Variants in XPO4 observed in about 807,000 individuals in gnomAD.
The protein encoded by XPO4 is exportin-4.
In XPO4, 39 loss-of-function variants were observed where a neutral mutation model predicts 143.0. The ratio of observed to expected loss-of-function variants is 0.27; its 90% CI spans 0.21 to 0.36. XPO4 has a LOEUF of 0.36. XPO4 is among the 10% of genes least tolerant of loss of function. XPO4 has a pLI of 1.00. For synonymous variants in XPO4, 439 were observed against 474.0 expected, an observed-to-expected ratio of 0.93 and a Z score of 0.96; for missense variants, 907 against 1,348.0, an observed-to-expected ratio of 0.67 and a Z score of 5.12.
At chr13:20,861,978 G>A (rs186118638) in intron 3 of XPO4, among the ~76,000 whole-genome samples, 4 of 151,694 alleles carry the variant, frequency 2.6e-5, no homozygotes, top group Admixed American at 2.6e-4. Flanking sequence ...TAGTAGAGAT[G>A]GCGTTTCCGC....
intron 1 of XPO4, among the ~76,000 whole-genome samples, chr13:20,880,812 G>A (rs868488749): frequency 6.6e-6 from 1 of 152,036 alleles, no homozygotes; most frequent in African/African-American, 2.4e-5. Context: ...ACAAAAGTTA[G>A]CCAGGCCTGG....
At chr13:20,893,930 G>A (rs905651103) in intron 1 of XPO4, among the ~76,000 whole-genome samples, 5 of 152,096 alleles carry the variant, frequency 3.3e-5, no homozygotes, top group Non-Finnish European at 7.4e-5. Flanking sequence ...TGCATTCTCC[G>A]CCTCCCGGGT....
intron 1 of XPO4, among the ~76,000 whole-genome samples, chr13:20,899,418 T>C (rs1595176358): frequency 6.6e-6 from 1 of 151,956 alleles, no homozygotes; most frequent in South Asian, 2.1e-4. Flanking sequence ...AGTTATATCA[T>C]GAATTTGCTC....
intron 6 of XPO4, among the ~76,000 whole-genome samples, chr13:20,833,366 T>C (rs1264271643): frequency 1.3e-5 from 2 of 152,136 alleles, no homozygotes; most frequent in Non-Finnish European, 2.9e-5. Flanking sequence ...GGACCTCCCA[T>C]GGTTACCAAA....
intron 4 of XPO4, among the ~76,000 whole-genome samples, chr13:20,846,132 G>A (rs2585901): frequency 0.3 from 44,945 of 152,030 alleles, 8,370 homozygotes; most frequent in East Asian, 0.8. Flanking sequence ...ATCTATACTA[G>A]TTTTTCACAA....
chr13:20,889,391 A>T (rs988253690), intron 1 of XPO4, among the ~76,000 whole-genome samples: 1 of 152,028 alleles, frequency 6.6e-6, no homozygotes, highest in Non-Finnish European at 1.5e-5. Flanking sequence ...TGATGATGTT[A>T]TATCAGTGGT....
At chr13:20,823,947 C>G (rs1360753502) in intron 7 of XPO4, among the ~76,000 whole-genome samples, 1 of 152,196 alleles carries the variant, frequency 6.6e-6, no homozygotes, top group Non-Finnish European at 1.5e-5. Flanking sequence ...CCACCACGCC[C>G]GGCCAACATT....
intron 20 of XPO4, among the ~76,000 whole-genome samples, chr13:20,788,236 T>A (rs997080118): frequency 3.9e-5 from 6 of 151,958 alleles, no homozygotes; most frequent in Non-Finnish European, 8.8e-5. Context: ...TTTGTACTTT[T>A]ATTAGAGACA....
intron 13 of XPO4, among the ~76,000 whole-genome samples, chr13:20,802,652 A>C (rs1013985018): frequency 6.6e-6 from 1 of 152,196 alleles, no homozygotes; most frequent in Non-Finnish European, 1.5e-5. Context: ...ACCCATTAAA[A>C]ATATAAACAG....
chr13:20,843,189 C>T (rs1481789757), intron 5 of XPO4, 141 bp from the exon 6 acceptor site: 7 of 805,490 alleles, frequency 8.7e-6, no homozygotes, highest in East Asian at 5.4e-5. Context: ...CATTTTTAGG[C>T]CTCTACTTGT....
chr13:20,878,057 C>T (rs1380262993), intron 1 of XPO4, among the ~76,000 whole-genome samples: 2 of 152,040 alleles, frequency 1.3e-5, no homozygotes, highest in Non-Finnish European at 2.9e-5. Flanking sequence ...ATTAGCCAGT[C>T]GTGGTAGCAC....
intron 6 of XPO4, among the ~76,000 whole-genome samples, chr13:20,840,431 C>G (rs2059963095): frequency 6.6e-6 from 1 of 152,082 alleles, no homozygotes; most frequent in Non-Finnish European, 1.5e-5. Flanking sequence ...TGGTCTCGAA[C>G]TCCTAGACTC....
chr13:20,827,109 C>A lies in XPO4; in HGVS notation c.798G>T (p.Arg266=). 1.2e-6 allele frequency: 2 copies of A among 1,613,902 alleles called. No individual in the cohort carries two copies. The highest frequency in any genetic ancestry group is 1.7e-6 in the Non-Finnish European group (2 of 1,179,844). ...NVLLKPTESW[R]ETLLDSRVME... is the part of the protein sequence containing the mutation. The stretch of plus-strand genomic sequence containing the variant: ...TAACTCTGCTGTCCAGAAGAGTCTC[C>A]CGCCAGGACTCTGTTGGCTTCAACA... Residue 266 remains arginine, a synonymous_variant, in exon 7 of 23, where the codon CGG becomes CGT. Transcript: ENST00000255305.
intron 6 of XPO4, among the ~76,000 whole-genome samples, chr13:20,834,173 A>G (rs1566594590): frequency 6.6e-6 from 1 of 152,162 alleles, no homozygotes; most frequent in African/African-American, 2.4e-5. Context: ...CACCTGCTGC[A>G]CATAGAAAAG....
At position 20,851,166 on chromosome 13, in the gene XPO4, A is replaced by G. The variant is rs1040230334; in HGVS notation, c.456+4461T>C. On this transcript the variant is annotated intron_variant, in intron 4 of 22. Coordinates refer to ENST00000255305, the MANE Select transcript of XPO4 (RefSeq NM_022459.5). ...AAATTCTTAACAGTCCAAGAAGAAG[A>G]GAGGATGATATAAGAAAATGTCTGA... 4.1e-6 allele frequency: 4 copies of G among 985,330 alleles called. No homozygotes were observed. The African/African-American group carries it at 7.0e-5, about 17-fold the overall frequency. The allele number at this position is 985,330 out of a possible 1,614,324, so 61.0% of individuals were successfully genotyped here.
chr13:20,796,292 G>A, intron 17 of XPO4, 36 bp from the exon 18 acceptor site: 7 of 1,459,634 alleles, frequency 4.8e-6, no homozygotes, highest in South Asian at 1.5e-5. Flanking sequence ...TATGCTACTT[G>A]GTACACTGAC....
intron 14 of XPO4, among the ~76,000 whole-genome samples, chr13:20,800,621 T>C (rs2059419853): frequency 6.6e-6 from 1 of 152,190 alleles, no homozygotes; most frequent in Non-Finnish European, 1.5e-5. Flanking sequence ...ATCTGTATCT[T>C]CAACAGCAGT....
At chr13:20,898,540 G>A (rs2138192951) in intron 1 of XPO4, among the ~76,000 whole-genome samples, 1 of 152,214 alleles carries the variant, frequency 6.6e-6, no homozygotes, top group Middle Eastern at 3.4e-3. Context: ...ACTCCAGCCT[G>A]GGCAAGAGTA....
At position 20,849,860 on chromosome 13, in the gene XPO4, C is replaced by G. The variant is rs998555281; in HGVS notation, c.456+5767G>C. The G allele has an allele frequency of 2.9e-5, 28 of 957,552 alleles. No individual in the cohort carries two copies. The African/African-American group carries it at 3.7e-4, about 13-fold the overall frequency. 59.3% of individuals were successfully genotyped at this position (957,552 alleles called of 1,614,324 possible). A position where few individuals can be genotyped will look rare whatever the true frequency, so the allele number is the denominator to read the frequency against. Reference sequence around the variant, plus strand: ...GTGGCTCACACCTGTAATCCCAGCACTTTGGGAGGCTGAAGTGGGCAGATC... The same window carrying G: ...GTGGCTCACACCTGTAATCCCAGCAGTTTGGGAGGCTGAAGTGGGCAGATC... On this transcript the variant is annotated intron_variant, in intron 4 of 22. Transcript: ENST00000255305.
Sources: allele counts gnomAD v4.1 joint callset (sites outside exome capture counted in the v4.1 genomes callset), GRCh38; gene constraint gnomAD v4.1.1; transcripts MANE v1.5; gene names NCBI Gene and HGNC (gene_info 2026-07-23, HGNC 2026-07-21).